The following ATP8A2 variants were observed in gnomAD, a reference collection of about 807,000 sequenced individuals.
ATP8A2 encodes phospholipid-transporting ATPase IB.
A neutral mutation model predicts 165.6 loss-of-function variants in ATP8A2; 100 were observed. The ratio of observed to expected loss-of-function variants is 0.60; its 90% confidence interval spans 0.51 to 0.71. The LOEUF (loss-of-function observed/expected upper bound fraction) is 0.71. Among genes scored for constraint, ATP8A2 ranks in the 30% least tolerant of loss-of-function variants. The pLI is 0.00. For synonymous variants in ATP8A2, 543 were observed against 548.8 expected, an observed-to-expected ratio of 0.99 and a Z score of 0.15; for missense variants, 1,227 against 1,479.5, an observed-to-expected ratio of 0.83 and a Z score of 2.80.
intron 24 of ATP8A2, among the ~76,000 whole-genome samples, chr13:25,641,843 A>G (rs879901586): frequency 0.061 from 548 of 9,050 alleles, 5 homozygotes; most frequent in Non-Finnish European, 0.071. Context: ...ACGCTACCTG[A>G]CTTCAAACTA....
At chr13:25,779,201 T>A (rs1374304315) in intron 27 of ATP8A2, among the ~76,000 whole-genome samples, 1 of 152,194 alleles carries the variant, frequency 6.6e-6, no homozygotes, top group Non-Finnish European at 1.5e-5. Context: ...AAGGACAGAT[T>A]GTATGCTTTG....
At chr13:25,478,757 A>T (rs2036068785) in intron 2 of ATP8A2, among the ~76,000 whole-genome samples, 6 of 152,196 alleles carry the variant, frequency 3.9e-5, no homozygotes, top group Non-Finnish European at 5.9e-5. Context: ...TCAGCTTAGA[A>T]AAGACTTCAG....
intron 34 of ATP8A2, among the ~76,000 whole-genome samples, chr13:25,965,996 C>A (rs950993950): frequency 1.6e-5 from 2 of 122,974 alleles, no homozygotes; most frequent in Admixed American, 9.1e-5. Context: ...GCTGTTCTTG[C>A]ATACAAAAGA....
rs17082333 is a variant in ATP8A2 at position 25,454,629 on chromosome 13, T to C, written c.77-14348T>C. Among the ~76,000 whole-genome samples the C allele has an allele frequency of 8.6e-3, 1,312 of 152,118 alleles. 22 individuals carry two copies. The highest frequency in any genetic ancestry group is 0.029 in the African/African-American group (1,215 of 41,516). On this transcript the variant is annotated intron_variant, in intron 1 of 36. Coordinates refer to ENST00000381655, the MANE Select transcript of ATP8A2 (RefSeq NM_016529.6). ...AGAGCCAGTGGCACAGTTGCCTTCT[T>C]AACAATGGCTTTGGCCGGGCGCGGT...
chr13:25,836,156 A>G (rs908018187), intron 28 of ATP8A2, among the ~76,000 whole-genome samples: 3 of 145,288 alleles, frequency 2.1e-5, no homozygotes, highest in Non-Finnish European at 1.5e-5. Flanking sequence ...GTTGCTGTGA[A>G]TCTCCTGTTT....
In ATP8A2 at chr13:25,465,670, T is replaced by TTC. The variant is rs1566152963; in HGVS notation, c.77-3307_77-3306insTC. 6.1e-3 allele frequency among the ~76,000 whole-genome samples: 64 copies of TTC among 10,442 alleles called. 2 individuals are homozygous for TTC. The highest frequency in any genetic ancestry group is 0.018 in the South Asian group (10 of 542). 6.9% of individuals were successfully genotyped at this position (10,442 alleles called of 152,430 possible). ...CCCAGAAATCTTGCAGAGTTTTCTT[T>TTC]CTTTCTTTCTTTCTTTCTTTCTTTC... On this transcript the variant is annotated intron_variant, in intron 1 of 36. Transcript: ENST00000381655.
intron 10 of ATP8A2, among the ~76,000 whole-genome samples, chr13:25,543,939 T>C (rs2038563092): frequency 6.6e-6 from 1 of 152,266 alleles, no homozygotes. Context: ...GCCAGACACC[T>C]TTTGAAATTC....
intron 24 of ATP8A2, among the ~76,000 whole-genome samples, chr13:25,614,182 C>T (rs755699269): frequency 1.9e-4 from 29 of 152,066 alleles, no homozygotes; most frequent in Admixed American, 1.6e-3. Flanking sequence ...TAGGTTTGGT[C>T]GTTTAACATA....
At chr13:25,982,791 G>A (rs1378305933) in intron 35 of ATP8A2, among the ~76,000 whole-genome samples, 5 of 152,156 alleles carry the variant, frequency 3.3e-5, no homozygotes, top group Non-Finnish European at 7.4e-5. Flanking sequence ...TCTACAAAGT[G>A]CACCATTTGA....
chr13:25,952,663 C>T (rs567098426), intron 33 of ATP8A2, among the ~76,000 whole-genome samples: 33 of 152,266 alleles, frequency 2.2e-4, no homozygotes, highest in East Asian at 1.4e-3. Flanking sequence ...TGAGCCACCA[C>T]GCCTAGCCAG....
At chr13:25,378,478 G>A (rs185012571) in intron 1 of ATP8A2, among the ~76,000 whole-genome samples, 71 of 152,142 alleles carry the variant, frequency 4.7e-4, no homozygotes, top group Non-Finnish European at 5.9e-5. Context: ...GAAGATTTAT[G>A]CCATTTTGAT....
chr13:25,743,190 G>A (rs2043954156), intron 25 of ATP8A2, among the ~76,000 whole-genome samples: 1 of 152,088 alleles, frequency 6.6e-6, no homozygotes, highest in Non-Finnish European at 1.5e-5. Context: ...AGAACGTCAT[G>A]TGAAGATGAA....
intron 33 of ATP8A2, among the ~76,000 whole-genome samples, chr13:25,939,884 G>A (rs1156805831): frequency 6.6e-6 from 1 of 152,140 alleles, no homozygotes; most frequent in Non-Finnish European, 1.5e-5. Context: ...TCTTCCAGTG[G>A]GGCTCCAAAA....
In ATP8A2 at chr13:25,480,644, C is replaced by T. The variant is rs1375795630; in HGVS notation, c.221+11523C>T. Among the ~76,000 whole-genome samples, 505 of 150,932 alleles carry T rather than the reference C, an allele frequency of 3.3e-3. 3 individuals are homozygous for T. Among genetic ancestry groups the T allele is most frequent in the African/African-American group, 0.011 (452 of 40,978 alleles). The stretch of plus-strand genomic sequence containing the variant: ...CTCACTTCCTAGATGGGATGGCGGC[C>T]GGGCAGAGATGCTCCTCACTTTCCA... On this transcript the variant is annotated intron_variant, in intron 2 of 36. Transcript: ENST00000381655.
chr13:26,023,969 A>G lies in ATP8A2; in HGVS notation c.*3984A>G, dbSNP rs951007666. 3 of 152,238 alleles carry G rather than the reference A, an allele frequency of 2.0e-5. No homozygotes were observed. Among genetic ancestry groups the G allele is most frequent in the Non-Finnish European group, 4.4e-5 (3 of 68,040 alleles). The allele number at this position is 152,238 out of a possible 1,614,324, so 9.4% of individuals were successfully genotyped here. On this transcript the variant is annotated 3_prime_UTR_variant, in exon 37 of 37. Transcript: ENST00000381655. Reference sequence around the variant, plus strand: ...TTATCAGGTCGAGTCAAAACATGGCATCCCCTGTTACACTCAAGAAATGTT... The same window carrying G: ...TTATCAGGTCGAGTCAAAACATGGCGTCCCCTGTTACACTCAAGAAATGTT...
chr13:25,464,446 T>TAAAAAAA, intron 1 of ATP8A2, among the ~76,000 whole-genome samples: 1 of 127,462 alleles, frequency 7.8e-6, no homozygotes, highest in Non-Finnish European at 1.6e-5. Context: ...CATCTCTATC[T>TAAAAAAA]AAAAAAAAAA....
chr13:25,598,356 T>C (rs1206270044), intron 24 of ATP8A2, among the ~76,000 whole-genome samples: 1 of 152,200 alleles, frequency 6.6e-6, no homozygotes, highest in Non-Finnish European at 1.5e-5. Context: ...TCTGTATACA[T>C]TTTAGAATCA....
chr13:25,956,214 C>G (rs1277595413), intron 33 of ATP8A2, among the ~76,000 whole-genome samples: 3 of 152,164 alleles, frequency 2.0e-5, no homozygotes, highest in African/African-American at 7.2e-5. Context: ...AGGCACAAGA[C>G]AAGGATGCCC....
intron 27 of ATP8A2, among the ~76,000 whole-genome samples, chr13:25,813,467 T>C (rs1950931579): frequency 8.0e-6 from 1 of 125,542 alleles, no homozygotes; most frequent in African/African-American, 3.1e-5. Context: ...TGATATAATA[T>C]GGTGATATGA....
Sources: gnomAD v4.1 joint callset for allele counts (sites outside exome capture counted in the v4.1 genomes callset) on GRCh38, gnomAD v4.1.1 for gene constraint, MANE v1.5 for transcripts, NCBI Gene and HGNC (gene_info 2026-07-23, HGNC 2026-07-21) for gene names.